The following LRP1B variants were observed in gnomAD, a reference collection of about 807,000 sequenced individuals.
LRP1B encodes the protein low-density lipoprotein receptor-related protein 1B.
In LRP1B, 217 loss-of-function variants were observed where a neutral mutation model predicts 556.6. That is an observed-to-expected ratio of 0.39 (90% CI 0.35 to 0.44). The LOEUF (loss-of-function observed/expected upper bound fraction) is 0.44, where lower values mean the gene tolerates loss of function less well. LRP1B is among the 20% of genes least tolerant of loss of function. LRP1B has a pLI of 1.00. For synonymous variants in LRP1B, 2,047 were observed against 1,865.8 expected (o/e 1.10, Z -2.50); for missense variants, 5,053 against 5,620.8 (o/e 0.90, Z 3.23).
chr2:140,762,749 T>C (rs1015758046), intron 35 of LRP1B, among the ~76,000 whole-genome samples: 2 of 152,210 alleles, frequency 1.3e-5, no homozygotes, highest in African/African-American at 4.8e-5. Context: ...TAAATAACTT[T>C]CCTTTTCCTT....
Position 140,887,056 on chromosome 2 carries a change from A to C in LRP1B, c.3767-721T>G, listed in dbSNP as rs531294859. ...GTTATTTCAAAAATGTATCAACCCT[A>C]AACTAATTACTGTGAGACATACTGA... On this transcript the variant is annotated intron_variant, in intron 23 of 90. Coordinates refer to ENST00000389484, the MANE Select transcript of LRP1B (RefSeq NM_018557.3). Among the ~76,000 whole-genome samples, 21 of 152,300 alleles carry C rather than the reference A, an allele frequency of 1.4e-4. No homozygotes were observed. In the South Asian group the frequency reaches 4.1e-3, roughly 30 times the overall value.
At chr2:140,871,379 T>A (rs1251307366) in intron 25 of LRP1B, among the ~76,000 whole-genome samples, 2 of 151,986 alleles carry the variant, frequency 1.3e-5, no homozygotes, top group Non-Finnish European at 2.9e-5. Context: ...TAAAGGAAAA[T>A]TTTCACAGTC....
At chr2:140,370,600 GAATT>G in intron 71 of LRP1B, 106 bp downstream of exon 71, 1 of 1,387,036 alleles carries the variant, frequency 7.2e-7, no homozygotes. Context: ...AGAGTAAAGA[GAATT>G]ATTTAAAGAT....
At chr2:141,211,266 G>A (rs1190367346) in intron 6 of LRP1B, among the ~76,000 whole-genome samples, 1 of 150,064 alleles carries the variant, frequency 6.7e-6, no homozygotes, top group Non-Finnish European at 1.5e-5. Flanking sequence ...GGGATTATAA[G>A]CATGAGACAC....
At chr2:140,830,551 C>T (rs533244282) in intron 31 of LRP1B, among the ~76,000 whole-genome samples, 10 of 152,082 alleles carry the variant, frequency 6.6e-5, no homozygotes, top group Admixed American at 1.3e-4. Context: ...TTCAACATCC[C>T]TTTATGATAA....
At chr2:140,481,577 CTTT>C (rs1688242017) in intron 59 of LRP1B, among the ~76,000 whole-genome samples, 2 of 113,576 alleles carry the variant, frequency 1.8e-5, no homozygotes, top group South Asian at 6.4e-4. Context: ...TGGTAGCCAT[CTTT>C]ATTATTATTA....
In LRP1B at chr2:140,347,003, A is replaced by G. The variant is rs138350914; in HGVS notation, c.11892+3794T>C. 2.8e-3 allele frequency among the ~76,000 whole-genome samples: 429 copies of G among 152,064 alleles called. 2 individuals carry two copies. Among genetic ancestry groups the G allele is most frequent in the African/African-American group, 9.8e-3 (409 of 41,552 alleles). The stretch of plus-strand genomic sequence containing the variant: ...TCAAGTAGATCAGATAAATCTGAGC[A>G]TTTGTTTTGCTTAGGAATATTTAGG... On this transcript the variant is annotated intron_variant, in intron 77 of 90. Transcript: ENST00000389484.
chr2:140,619,074 T>TACACAC (rs113009077), intron 41 of LRP1B, among the ~76,000 whole-genome samples: 13 of 146,468 alleles, frequency 8.9e-5, no homozygotes, highest in East Asian at 6.2e-4. Flanking sequence ...TATATCTATC[T>TACACAC]ACACACACAC....
chr2:141,737,490 G>A (rs564801393), intron 2 of LRP1B, among the ~76,000 whole-genome samples: 1 of 152,134 alleles, frequency 6.6e-6, no homozygotes, highest in Non-Finnish European at 1.5e-5. Context: ...ACTGGAGGAG[G>A]CATTCTTAAA....
intron 2 of LRP1B, among the ~76,000 whole-genome samples, chr2:141,543,999 C>G (rs556559156): frequency 2.6e-4 from 39 of 152,194 alleles, no homozygotes; most frequent in Middle Eastern, 3.4e-3. Context: ...TTGAGAGTTA[C>G]TAAAATTTTG....
At chr2:141,230,531 C>G (rs1487957919) in intron 5 of LRP1B, among the ~76,000 whole-genome samples, 1 of 152,196 alleles carries the variant, frequency 6.6e-6, no homozygotes, top group Non-Finnish European at 1.5e-5. Flanking sequence ...CCTATTTTAA[C>G]CAGAGCAAAA....
intron 18 of LRP1B, among the ~76,000 whole-genome samples, chr2:140,958,076 C>T (rs1284495968): frequency 1.3e-5 from 2 of 151,424 alleles, no homozygotes; most frequent in Non-Finnish European, 3.0e-5. Flanking sequence ...TCAGGAAAGA[C>T]ATCACCCAAG....
chr2:141,062,732 G>A (rs1042158027), intron 7 of LRP1B, among the ~76,000 whole-genome samples: 2 of 151,728 alleles, frequency 1.3e-5, no homozygotes, highest in African/African-American at 4.8e-5. Context: ...TATGAGTGGT[G>A]GAGAATAGCA....
chr2:141,066,417 G>A (rs1699483081), intron 7 of LRP1B, among the ~76,000 whole-genome samples: 1 of 151,986 alleles, frequency 6.6e-6, no homozygotes, highest in African/African-American at 2.4e-5. Context: ...CACAAAGGGA[G>A]CGCTCATGGA....
At chr2:140,764,352 G>A (rs1689028634) in intron 35 of LRP1B, among the ~76,000 whole-genome samples, 1 of 152,088 alleles carries the variant, frequency 6.6e-6, no homozygotes, top group Non-Finnish European at 1.5e-5. Flanking sequence ...TTGCTTCAGT[G>A]GTTACAAATG....
At chr2:141,689,350 ACTATCCTGTGTCCACT>A (rs1691429257) in intron 2 of LRP1B, among the ~76,000 whole-genome samples, 1 of 151,814 alleles carries the variant, frequency 6.6e-6, no homozygotes, top group African/African-American at 2.4e-5. Flanking sequence ...GCCTCAAAAC[ACTATCCTGTGTCCACT>A]AATGGCATGG....
chr2:141,588,180 A>C (rs1687207257), intron 2 of LRP1B, among the ~76,000 whole-genome samples: 1 of 152,166 alleles, frequency 6.6e-6, no homozygotes, highest in Non-Finnish European at 1.5e-5. Flanking sequence ...CAATGTGTCC[A>C]CAATATCTCA....
intron 7 of LRP1B, among the ~76,000 whole-genome samples, chr2:141,141,273 G>A (rs1701645021): frequency 6.6e-6 from 1 of 151,954 alleles, no homozygotes; most frequent in African/African-American, 2.4e-5. Flanking sequence ...CTTGATCTTA[G>A]AGAAGACTGA....
At chr2:140,909,103 G>C (rs919147062) in intron 21 of LRP1B, among the ~76,000 whole-genome samples, 1 of 152,040 alleles carries the variant, frequency 6.6e-6, no homozygotes. Context: ...TGGCATTGTC[G>C]TCTATGTAAA....
Sources: allele counts gnomAD v4.1 joint callset (sites outside exome capture counted in the v4.1 genomes callset), GRCh38; gene constraint gnomAD v4.1.1; transcripts MANE v1.5; gene names NCBI Gene and HGNC (gene_info 2026-07-23, HGNC 2026-07-21).